ACSF3: variants seen among roughly 807,000 people sequenced by gnomAD.
The protein encoded by ACSF3 is acyl-CoA synthetase family member 3, also known as malonate--CoA ligase ACSF3, mitochondrial.
A neutral mutation model predicts 53.2 loss-of-function variants in ACSF3; 78 were observed. The ratio of observed to expected loss-of-function variants is 1.47; its 90% CI spans 1.22 to 1.77. The LOEUF is 1.77. Ranked by LOEUF, ACSF3 falls within the 40% of genes most tolerant of loss-of-function variation. The pLI, the probability that ACSF3 is intolerant of heterozygous loss-of-function variation, is 0.00. For missense variants in ACSF3, 937 were observed against 771.1 expected, an observed-to-expected ratio of 1.22 and a Z score of -2.55; for synonymous variants, 414 against 333.1, an observed-to-expected ratio of 1.24 and a Z score of -2.65.
intron 10 of ACSF3, chr16:89,150,394 C>T (rs1001149636): frequency 1.3e-5 from 2 of 152,908 alleles, no homozygotes; most frequent in African/African-American, 2.4e-5. Flanking sequence ...AGATAGGTGT[C>T]GAGGGCTGAG....
chr16:89,093,962 G>A lies in ACSF3; in HGVS notation c.-228G>A. The A allele has an allele frequency of 3.2e-6, 1 of 316,088 alleles. No individual in the cohort carries two copies. Among genetic ancestry groups the A allele is most frequent in the Non-Finnish European group, 6.6e-6 (1 of 150,660 alleles). 19.6% of individuals were successfully genotyped at this position (316,088 alleles called of 1,614,324 possible). On this transcript the variant is annotated 5_prime_UTR_variant, in exon 1 of 11. Transcript: ENST00000614302. ...GAGGACGAGGAAGAGTTGTGGCGAG[G>A]CAGATCCTGCCCCGTGGCCGCGGCC...
rs748239351 is a variant in ACSF3 at position 89,102,739 on chromosome 16, C to T, written c.802C>T (p.Pro268Ser). ...GGTGGGAGCCACCTGTGTGATGATG[C>T]CTGAGTTCAGCCCTCAGCAGGTGAG... is the stretch of plus-strand genomic sequence containing the variant. The part of the protein sequence containing the change: ...LWVGATCVMM[P>S]EFSPQQVWEK... Residue 268 changes from proline to serine, a missense_variant, in exon 4 of 11, where the codon CCT (proline) becomes TCT (serine). By Grantham distance (74) the Pro-to-Ser change is moderately conservative. Coordinates refer to ENST00000614302, the MANE Select transcript of ACSF3 (RefSeq NM_001243279.3). 4.3e-6 allele frequency: 7 copies of T among 1,612,770 alleles called. No homozygotes were observed. In the East Asian group the frequency reaches 6.7e-5, roughly 15 times the overall value.
intron 6 of ACSF3, among the ~76,000 whole-genome samples, chr16:89,115,459 C>A (rs1306833726): frequency 6.6e-6 from 1 of 152,218 alleles, no homozygotes; most frequent in Non-Finnish European, 1.5e-5. Context: ...GGCTTCCGCC[C>A]ACAGTCAACT....
At chr16:89,095,442 A>G (rs1974495455) in intron 1 of ACSF3, 1 of 152,082 alleles carries the variant, frequency 6.6e-6, no homozygotes, top group African/African-American at 2.4e-5. Context: ...AATGTCTGTT[A>G]CTTAAAAATG....
intron 8 of ACSF3, chr16:89,136,535 C>A: frequency 3.9e-6 from 5 of 1,266,424 alleles, no homozygotes; most frequent in Non-Finnish European, 5.1e-6. Flanking sequence ...TAAACTTAAC[C>A]CTTTCCCTGG....
intron 4 of ACSF3, among the ~76,000 whole-genome samples, chr16:89,107,148 C>T (rs1976083733): frequency 6.6e-6 from 1 of 152,208 alleles, no homozygotes; most frequent in Non-Finnish European, 1.5e-5. Context: ...TGTTATGGCG[C>T]CCTTCAGGGG....
intron 6 of ACSF3, among the ~76,000 whole-genome samples, chr16:89,120,303 C>T (rs1567711596): frequency 6.6e-6 from 1 of 152,372 alleles, no homozygotes; most frequent in Middle Eastern, 3.4e-3. Context: ...AGGACAGCCC[C>T]TCCTGGGGAC....
chr16:89,136,843 C>T lies in ACSF3; in HGVS notation c.1366+3581C>T, dbSNP rs755892478. On this transcript the variant is annotated intron_variant, in intron 8 of 10. Coordinates refer to ENST00000614302, the MANE Select transcript of ACSF3 (RefSeq NM_001243279.3). Reference sequence around the variant, plus strand: ...GGTCTGTTTCAGGTAACTCCTCTGACGGCCACAACGATGTCTTCAGACGTC... The same window carrying T: ...GGTCTGTTTCAGGTAACTCCTCTGATGGCCACAACGATGTCTTCAGACGTC... 14 of 1,282,158 alleles carry T rather than the reference C, an allele frequency of 1.1e-5. No homozygotes were observed. In the East Asian group the frequency reaches 2.8e-4, roughly 26 times the overall value. The allele number at this position is 1,282,158 out of a possible 1,614,324, so 79.4% of individuals were successfully genotyped here.
chr16:89,102,901 G>T, intron 4 of ACSF3, 142 bp downstream of exon 4: 2 of 1,231,648 alleles, frequency 1.6e-6, no homozygotes, highest in African/African-American at 1.5e-5. Flanking sequence ...CTCAGACTAG[G>T]CATCTTTTCC....
chr16:89,150,875 T>C (rs1053817806), intron 10 of ACSF3: 2 of 786,180 alleles, frequency 2.5e-6, no homozygotes, highest in African/African-American at 3.6e-5. Context: ...CCATTCACCA[T>C]GAAAGAAAGA....
At chr16:89,098,154 G>A (rs1974839349) in intron 1 of ACSF3, among the ~76,000 whole-genome samples, 1 of 152,240 alleles carries the variant, frequency 6.6e-6, no homozygotes, top group African/African-American at 2.4e-5. Flanking sequence ...GCCAGTAGTT[G>A]AGGGTCTCAA....
chr16:89,139,654 G>A (rs975497027), intron 8 of ACSF3, among the ~76,000 whole-genome samples: 3 of 142,846 alleles, frequency 2.1e-5, no homozygotes, highest in Non-Finnish European at 3.0e-5. Flanking sequence ...GTGCAGTGGC[G>A]CCATCTCGGC....
At chr16:89,134,497 G>A (rs1910013321) in intron 8 of ACSF3, among the ~76,000 whole-genome samples, 1 of 152,198 alleles carries the variant, frequency 6.6e-6, no homozygotes, top group African/African-American at 2.4e-5. Context: ...GGTCTGCAAC[G>A]GCGGCAAGCA....
At position 89,154,308 on chromosome 16, in the gene ACSF3, G is replaced by T. The variant is rs761470249; in HGVS notation, c.*101G>T. Reference sequence around the variant, plus strand: ...CCAAGACCTGGCCTCCCTTAAACCTGAACCCCCCAAATCAGGTCACGTAGA... The same window carrying T: ...CCAAGACCTGGCCTCCCTTAAACCTTAACCCCCCAAATCAGGTCACGTAGA... On this transcript the variant is annotated 3_prime_UTR_variant, in exon 11 of 11. Transcript: ENST00000614302. The T allele has an allele frequency of 1.8e-6, 2 of 1,102,840 alleles. No individual in the cohort carries two copies. Among genetic ancestry groups the T allele is most frequent in the African/African-American group, 1.5e-5 (1 of 64,698 alleles). The allele number at this position is 1,102,840 out of a possible 1,614,324, so 68.3% of individuals were successfully genotyped here.
At chr16:89,135,280 G>T (rs930414075) in intron 8 of ACSF3, among the ~76,000 whole-genome samples, 1 of 152,258 alleles carries the variant, frequency 6.6e-6, no homozygotes, top group Non-Finnish European at 1.5e-5. Context: ...GGCTCCTTGA[G>T]GGATGCTGGA....
Position 89,100,664 on chromosome 16 carries a change from C to CTGCCCCAGGA in ACSF3, c.-18_-17insTGCCCCAGGA. On this transcript the variant is annotated 5_prime_UTR_variant, in exon 3 of 11. Coordinates refer to ENST00000614302, the MANE Select transcript of ACSF3 (RefSeq NM_001243279.3). ...TCCTGTGCCTTGCCTTTCTCCAGCT[C>CTGCCCCAGGA]GGCCGCCTGTCAGTGCAATGCTGCC... The CTGCCCCAGGA allele has an allele frequency of 6.9e-7, 1 of 1,453,182 alleles. No individual in the cohort carries two copies. The highest frequency in any genetic ancestry group is 2.4e-5 in the East Asian group (1 of 41,356). 90.0% of individuals were successfully genotyped at this position (1,453,182 alleles called of 1,614,324 possible).
At position 89,154,978 on chromosome 16, in the gene ACSF3, A is replaced by G. The variant is rs1480185688; in HGVS notation, c.*771A>G. 2.2e-6 allele frequency: 1 copy of G among 452,908 alleles called. No individual in the cohort carries two copies. The highest frequency in any genetic ancestry group is 7.0e-5 in the East Asian group (1 of 14,382). The allele number at this position is 452,908 out of a possible 1,614,324, so 28.1% of individuals were successfully genotyped here. On this transcript the variant is annotated 3_prime_UTR_variant, in exon 11 of 11. Transcript: ENST00000614302. ...CTCTCCCATCACCGTCTCCACCCAG[A>G]CCCCCACCTGCCCCATGGCCCCCAT...
rs765435767 is a variant in ACSF3 at position 89,145,935 on chromosome 16, C to T, written c.1502-3C>T. ...TGTTCTCAAACTGTTCTTCTATCCGCAGATGTGGCTGTGATTGGAGTTCCG... is the reference window on the plus strand; with the variant it reads ...TGTTCTCAAACTGTTCTTCTATCCGTAGATGTGGCTGTGATTGGAGTTCCG... On this transcript the variant is annotated splice_polypyrimidine_tract_variant and splice_region_variant and intron_variant, in intron 9 of 10. Coordinates refer to ENST00000614302, the MANE Select transcript of ACSF3 (RefSeq NM_001243279.3). 1.2e-6 allele frequency: 2 copies of T among 1,613,038 alleles called. No individual in the cohort carries two copies. Among genetic ancestry groups the T allele is most frequent in the Admixed American group, 1.7e-5 (1 of 60,008 alleles).
rs868167956 is a variant in ACSF3 at position 89,138,234 on chromosome 16, G to C, written c.1366+4972G>C. On this transcript the variant is annotated intron_variant, in intron 8 of 10. Transcript: ENST00000614302. ...GTAACGAGGTGGACGCTGAGCCCCA[G>C]GCCTGATGGCACATTTGAGGTCAGG... is the stretch of plus-strand genomic sequence containing the variant. Among the ~76,000 whole-genome samples, 3 of 152,240 alleles carry C rather than the reference G, an allele frequency of 2.0e-5. 1 individual carries two copies. Among genetic ancestry groups the C allele is most frequent in the African/African-American group, 4.8e-5 (2 of 41,476 alleles).
Sources: gnomAD v4.1 joint callset for allele counts (sites outside exome capture counted in the v4.1 genomes callset) on GRCh38, gnomAD v4.1.1 for gene constraint, MANE v1.5 for transcripts, NCBI Gene and HGNC (gene_info 2026-07-23, HGNC 2026-07-21) for gene names.